The following SSBP3 variants were observed in gnomAD, a reference collection of about 807,000 sequenced individuals.
SSBP3 encodes the protein single-stranded DNA-binding protein 3.
In SSBP3, 5 loss-of-function variants were observed where a neutral mutation model predicts 69.6. The ratio of observed to expected loss-of-function variants is 0.07; its 90% CI spans 0.04 to 0.15. The LOEUF is 0.15. Among genes scored for constraint, SSBP3 ranks in the 10% least tolerant of loss-of-function variants. The probability of loss-of-function intolerance (pLI) is 1.00; values close to 1 mark genes in which losing one functional copy is unlikely to be tolerated. For synonymous variants in SSBP3, 196 were observed against 193.4 expected, an observed-to-expected ratio of 1.01 and a Z score of -0.11; for missense variants, 312 against 534.0, an observed-to-expected ratio of 0.58 and a Z score of 4.10.
chr1:54,296,775 TCTAC>T (rs1417956539), intron 4 of SSBP3, among the ~76,000 whole-genome samples: 3 of 152,306 alleles, frequency 2.0e-5, no homozygotes, highest in South Asian at 4.1e-4. Flanking sequence ...CTAAACCCTC[TCTAC>T]CTGTTTTCCC....
At chr1:54,363,160 G>T (rs1646976785) in intron 4 of SSBP3, among the ~76,000 whole-genome samples, 1 of 152,150 alleles carries the variant, frequency 6.6e-6, no homozygotes, top group South Asian at 2.1e-4. Context: ...GATACTGTTT[G>T]CTGAGTCACA....
At chr1:54,230,560 G>A (rs1276389865) in intron 14 of SSBP3, among the ~76,000 whole-genome samples, 4 of 152,040 alleles carry the variant, frequency 2.6e-5, no homozygotes, top group Non-Finnish European at 5.9e-5. Context: ...ACCCATTTAA[G>A]TACAATTCAG....
At chr1:54,410,930 G>A (rs78588519), upstream of SSBP3, among the ~76,000 whole-genome samples, 10 of 152,242 alleles carry the variant, frequency 6.6e-5, no homozygotes, top group East Asian at 1.9e-4. Context: ...GAAATGTTTC[G>A]AAAATTGAAA....
intron 4 of SSBP3, among the ~76,000 whole-genome samples, chr1:54,309,501 T>C (rs1018279744): frequency 2.0e-5 from 3 of 152,216 alleles, no homozygotes; most frequent in African/African-American, 7.2e-5. Context: ...TAGGGAAACA[T>C]TCCCCTTAGG....
In SSBP3 at chr1:54,317,797, T is replaced by G. The variant is rs370970464; in HGVS notation, c.277-36270A>C. Among the ~76,000 whole-genome samples the G allele has an allele frequency of 1.1e-3, 162 of 152,258 alleles. 4 individuals carry two copies. The South Asian group carries it at 0.027, about 25-fold the overall frequency. ...TTTGTTTTTTTAAGATGAAATCTTGTTCTTGTCACCCAGGCTGGAGTGCAA... is the reference window on the plus strand; with the variant it reads ...TTTGTTTTTTTAAGATGAAATCTTGGTCTTGTCACCCAGGCTGGAGTGCAA... On this transcript the variant is annotated intron_variant, in intron 4 of 17. Transcript: ENST00000610401.
chr1:54,378,204 C>T (rs549382389), intron 4 of SSBP3, among the ~76,000 whole-genome samples: 1 of 152,322 alleles, frequency 6.6e-6, no homozygotes, highest in South Asian at 2.1e-4. Context: ...TTCCCATATT[C>T]TCATCAACTT....
At chr1:54,405,886 G>GCCCCCCCC (rs1570082664) in intron 1 of SSBP3, 67 bp downstream of exon 1, 1 of 138,862 alleles carries the variant, frequency 7.2e-6, no homozygotes, top group Admixed American at 6.3e-5. Context: ...CCGCCCACCT[G>GCCCCCCCC]CCTCCCACCG....
intron 4 of SSBP3, among the ~76,000 whole-genome samples, chr1:54,379,990 T>C (rs1271688015): frequency 6.6e-6 from 1 of 151,978 alleles, no homozygotes; most frequent in East Asian, 1.9e-4. Context: ...GTGGGGACAA[T>C]GGGGCTGGAG....
upstream of SSBP3, among the ~76,000 whole-genome samples, chr1:54,406,586 T>C (rs1186184445): frequency 2.6e-5 from 4 of 151,692 alleles, no homozygotes; most frequent in Non-Finnish European, 5.9e-5. Context: ...TGCCTGCTCC[T>C]GCAGGCGAAC....
intron 4 of SSBP3, among the ~76,000 whole-genome samples, chr1:54,330,828 G>A (rs1419344562): frequency 6.6e-6 from 1 of 152,182 alleles, no homozygotes; most frequent in Non-Finnish European, 1.5e-5. Flanking sequence ...GATCGCCAAC[G>A]CAGGCCACCC....
At chr1:54,387,617 C>T (rs1304735281) in intron 4 of SSBP3, among the ~76,000 whole-genome samples, 2 of 152,200 alleles carry the variant, frequency 1.3e-5, no homozygotes, top group South Asian at 2.1e-4. Flanking sequence ...CTCTTAATAA[C>T]CTAACCAGCA....
At chr1:54,296,491 T>A (rs72665917) in intron 4 of SSBP3, among the ~76,000 whole-genome samples, 3 of 152,210 alleles carry the variant, frequency 2.0e-5, no homozygotes, top group Non-Finnish European at 4.4e-5. Flanking sequence ...TTCGGTAACT[T>A]TGAATCTACA....
chr1:54,374,476 C>G (rs1258741263), intron 4 of SSBP3, among the ~76,000 whole-genome samples: 2 of 152,214 alleles, frequency 1.3e-5, no homozygotes, highest in African/African-American at 4.8e-5. Flanking sequence ...CTTGACCTGT[C>G]CAAGCCTTTC....
chr1:54,334,735 C>A (rs1356602947), intron 4 of SSBP3, among the ~76,000 whole-genome samples: 1 of 152,162 alleles, frequency 6.6e-6, no homozygotes, highest in Non-Finnish European at 1.5e-5. Context: ...TTTCTCCTTG[C>A]GGACATGATA....
intron 4 of SSBP3, among the ~76,000 whole-genome samples, chr1:54,299,054 G>A (rs749394161): frequency 1.3e-5 from 2 of 152,004 alleles, no homozygotes; most frequent in Non-Finnish European, 2.9e-5. Flanking sequence ...TGGGGGTTCA[G>A]TCCCACTGAG....
intron 4 of SSBP3, among the ~76,000 whole-genome samples, chr1:54,344,291 AT>A (rs1646654668): frequency 6.6e-6 from 1 of 152,240 alleles, no homozygotes. Context: ...GTGAACATAT[AT>A]CATATACATC....
chr1:54,282,431 G>C (rs557425455), intron 4 of SSBP3, among the ~76,000 whole-genome samples: 1 of 152,366 alleles, frequency 6.6e-6, no homozygotes, highest in South Asian at 2.1e-4. Flanking sequence ...TCATGAGAGA[G>C]AGGGGCCTCG....
At chr1:54,228,923 G>T in intron 14 of SSBP3, 97 bp from the exon 15 acceptor site, 1 of 1,289,398 alleles carries the variant, frequency 7.8e-7, no homozygotes, top group East Asian at 2.5e-5. Flanking sequence ...TCCTGGCCCT[G>T]GGGAACCCCT....
intron 4 of SSBP3, among the ~76,000 whole-genome samples, chr1:54,343,137 G>T (rs888566498): frequency 1.3e-5 from 2 of 152,156 alleles, no homozygotes; most frequent in African/African-American, 2.4e-5. Flanking sequence ...TAGGACAGGT[G>T]GGGGGAAGAG....
Sources: gnomAD v4.1 joint callset for allele counts (sites outside exome capture counted in the v4.1 genomes callset) on GRCh38, gnomAD v4.1.1 for gene constraint, MANE v1.5 for transcripts, NCBI Gene and HGNC (gene_info 2026-07-23, HGNC 2026-07-21) for gene names.